Variants in CARMIL1 observed in about 807,000 individuals in gnomAD.
CARMIL1 encodes F-actin-uncapping protein LRRC16A.
A neutral mutation model predicts 177.1 loss-of-function variants in CARMIL1; 90 were observed. That is an observed-to-expected ratio of 0.51 (90% confidence interval 0.43 to 0.61). The LOEUF (loss-of-function observed/expected upper bound fraction) is 0.61. CARMIL1 is among the 20% of genes least tolerant of loss of function. The pLI is 0.00. For missense variants in CARMIL1, 1,380 were observed against 1,667.0 expected (o/e 0.83, Z 3.00); for synonymous variants, 577 against 606.2 (o/e 0.95, Z 0.71).
At chr6:25,317,379 G>A (rs1784356354) in intron 2 of CARMIL1, among the ~76,000 whole-genome samples, 1 of 151,926 alleles carries the variant, frequency 6.6e-6, no homozygotes, top group Non-Finnish European at 1.5e-5. Flanking sequence ...CAATCCTTCT[G>A]CCTTGACCTC....
intron 2 of CARMIL1, among the ~76,000 whole-genome samples, chr6:25,304,895 CTG>C (rs1561959121): frequency 6.6e-6 from 1 of 152,168 alleles, no homozygotes; most frequent in Non-Finnish European, 1.5e-5. Flanking sequence ...CCCTCAGTGA[CTG>C]TTTGGATTGG....
intron 29 of CARMIL1, among the ~76,000 whole-genome samples, chr6:25,580,135 C>T (rs1343959125): frequency 6.6e-6 from 1 of 152,120 alleles, no homozygotes; most frequent in African/African-American, 2.4e-5. Context: ...CTTCTGACAC[C>T]ATGAATGTTA....
At chr6:25,435,118 A>G (rs912479856) in intron 4 of CARMIL1, among the ~76,000 whole-genome samples, 1 of 152,218 alleles carries the variant, frequency 6.6e-6, no homozygotes, top group African/African-American at 2.4e-5. Flanking sequence ...AGTCTCTATC[A>G]TATGGGAGTC....
chr6:25,345,023 G>T (rs79693813), intron 2 of CARMIL1, among the ~76,000 whole-genome samples: 7,923 of 152,166 alleles, frequency 0.052, 276 homozygotes, highest in Non-Finnish European at 0.087. Flanking sequence ...TCATCTGTAT[G>T]CATTAGGTCT....
chr6:25,344,346 C>T (rs1335068547), intron 2 of CARMIL1, among the ~76,000 whole-genome samples: 3 of 152,138 alleles, frequency 2.0e-5, no homozygotes, highest in Non-Finnish European at 2.9e-5. Context: ...TTGGAGTCCA[C>T]GATCAACCAC....
intron 2 of CARMIL1, among the ~76,000 whole-genome samples, chr6:25,409,430 A>G (rs1004196196): frequency 3.9e-5 from 6 of 152,204 alleles, no homozygotes; most frequent in Admixed American, 2.0e-4. Flanking sequence ...TTAAACTAGG[A>G]TACAGATTGT....
intron 29 of CARMIL1, chr6:25,563,254 G>A (rs866344454): frequency 2.7e-5 from 27 of 985,232 alleles, no homozygotes; most frequent in African/African-American, 2.4e-4. Context: ...ACGACGTTTC[G>A]TTTATGTCAA....
intron 2 of CARMIL1, among the ~76,000 whole-genome samples, chr6:25,403,320 C>G (rs1794052396): frequency 2.0e-5 from 3 of 152,148 alleles, no homozygotes; most frequent in Admixed American, 2.0e-4. Context: ...AGCACTCCTG[C>G]TAACCTCTGT....
At chr6:25,283,624 A>G (rs185822201) in intron 1 of CARMIL1, among the ~76,000 whole-genome samples, 4 of 152,022 alleles carry the variant, frequency 2.6e-5, no homozygotes, top group Admixed American at 2.0e-4. Flanking sequence ...GCCTTTGACC[A>G]CTTCTTGGGG....
At chr6:25,376,702 T>A (rs1415880065) in intron 2 of CARMIL1, among the ~76,000 whole-genome samples, 1 of 152,174 alleles carries the variant, frequency 6.6e-6, no homozygotes, top group Non-Finnish European at 1.5e-5. Context: ...TTTTAATTAA[T>A]TAATTTTTTT....
intron 2 of CARMIL1, among the ~76,000 whole-genome samples, chr6:25,357,328 G>A (rs1369227508): frequency 6.6e-6 from 1 of 152,076 alleles, no homozygotes. Context: ...ATGCCTGTAA[G>A]CCCAGCACTT....
chr6:25,385,240 G>A (rs1473290510), intron 2 of CARMIL1, among the ~76,000 whole-genome samples: 1 of 152,202 alleles, frequency 6.6e-6, no homozygotes, highest in East Asian at 1.9e-4. Flanking sequence ...TATATCCAAG[G>A]CCAAGAGTGG....
chr6:25,488,981 A>G (rs1335382189), intron 13 of CARMIL1, among the ~76,000 whole-genome samples: 2 of 152,112 alleles, frequency 1.3e-5, no homozygotes, highest in African/African-American at 2.4e-5. Flanking sequence ...CCTGGCCAAC[A>G]TGGTGAAACC....
rs528253363 is a variant in CARMIL1, at chr6:25,509,140, C to T, written c.1396-516C>T. ...GTCATCTTTAGTTAGCTAATATCTG[C>T]CTTATGAGTGAGAACTCACACTCAT... On this transcript the variant is annotated intron_variant, in intron 17 of 36. Coordinates refer to ENST00000329474, the MANE Select transcript of CARMIL1 (RefSeq NM_017640.6). This position sits in a 1 kb window ranked among gnomAD's most constrained non-coding sequence, Gnocchi z 4.1. Among the ~76,000 whole-genome samples the T allele has an allele frequency of 6.6e-6, 1 of 152,202 alleles. No homozygotes were observed. The highest frequency in any genetic ancestry group is 6.5e-5 in the Admixed American group (1 of 15,280).
chr6:25,295,769 G>C (rs1782329091), intron 2 of CARMIL1, among the ~76,000 whole-genome samples: 1 of 152,216 alleles, frequency 6.6e-6, no homozygotes, highest in Non-Finnish European at 1.5e-5. Context: ...GAATGAGAAA[G>C]TCCTGTGACT....
intron 2 of CARMIL1, among the ~76,000 whole-genome samples, chr6:25,292,876 A>C (rs1008312850): frequency 6.6e-6 from 1 of 152,186 alleles, no homozygotes; most frequent in Non-Finnish European, 1.5e-5. Context: ...AGGAAATCTA[A>C]TCAAAATATG....
chr6:25,496,649 C>G (rs189847768), intron 16 of CARMIL1, among the ~76,000 whole-genome samples: 293 of 152,204 alleles, frequency 1.9e-3, no homozygotes, highest in African/African-American at 6.6e-3. Flanking sequence ...AGAAAGCTAT[C>G]AGAATTGTAT....
At chr6:25,284,417 A>C (rs1781374827) in intron 1 of CARMIL1, among the ~76,000 whole-genome samples, 2 of 152,352 alleles carry the variant, frequency 1.3e-5, no homozygotes, top group South Asian at 4.1e-4. Flanking sequence ...AACAAGTAAA[A>C]AAAGACAAAC....
chr6:25,340,035 T>C (rs2690087), intron 2 of CARMIL1, among the ~76,000 whole-genome samples: 65,143 of 151,992 alleles, frequency 0.43, 14,168 homozygotes, highest in African/African-American at 0.51. Flanking sequence ...TAATCGATTT[T>C]GTAATTTATT....
Sources: gnomAD v4.1 joint callset for allele counts (sites outside exome capture counted in the v4.1 genomes callset) on GRCh38, gnomAD v4.1.1 for gene constraint, Gnocchi (gnomAD v3.1) non-coding constraint, MANE v1.5 for transcripts, NCBI Gene and HGNC (gene_info 2026-07-23, HGNC 2026-07-21) for gene names.